PTPN14: variants seen among roughly 807,000 people sequenced by gnomAD.
The protein encoded by PTPN14 is tyrosine-protein phosphatase non-receptor type 14.
A neutral mutation model predicts 126.8 loss-of-function variants in PTPN14; 53 were observed. That is an observed-to-expected ratio of 0.42 (90% CI 0.34 to 0.53). PTPN14 has a LOEUF of 0.53. Ranked by LOEUF, PTPN14 falls within the 20% of genes least tolerant of loss-of-function variation. The pLI, the probability that PTPN14 is intolerant of heterozygous loss-of-function variation, is 0.08. For missense variants in PTPN14, 1,257 were observed against 1,552.9 expected (o/e 0.81, Z 3.20); for synonymous variants, 630 against 599.3 (o/e 1.05, Z -0.75).
rs927178310 is a variant in PTPN14, at chr1:214,357,838, TG to T, written c.*83del. ...TTGCTGCCAGCCACCTGCACCCCTG[TG>T]GGGGGAGCAGATGTTGTCTGGAGGT... On this transcript the variant is annotated 3_prime_UTR_variant, in exon 19 of 19. Transcript: ENST00000366956. 4.7e-6 allele frequency: 6 copies of T among 1,280,690 alleles called. No homozygotes were observed. The highest frequency in any genetic ancestry group is 1.5e-5 in the African/African-American group (1 of 68,632). The allele number at this position is 1,280,690 out of a possible 1,614,324, so 79.3% of individuals were successfully genotyped here. A position where few individuals can be genotyped will look rare whatever the true frequency, so the allele number is the denominator to read the frequency against.
chr1:214,483,083 T>C, intron 1 of PTPN14: 1 of 1,611,374 alleles, frequency 6.2e-7, no homozygotes, highest in Non-Finnish European at 8.5e-7. Context: ...ACAGACATTT[T>C]CAAAACATTT....
chr1:214,537,849 T>C (rs1655744167), intron 1 of PTPN14, among the ~76,000 whole-genome samples: 2 of 152,250 alleles, frequency 1.3e-5, no homozygotes, highest in Admixed American at 1.3e-4. Context: ...TATGTAATTG[T>C]TGATTCCCTT....
At chr1:214,501,537 C>T (rs1251790832) in intron 1 of PTPN14, among the ~76,000 whole-genome samples, 1 of 152,096 alleles carries the variant, frequency 6.6e-6, no homozygotes, top group Non-Finnish European at 1.5e-5. Flanking sequence ...TGACCACGCC[C>T]AGCCCAAAAC....
chr1:214,363,513 A>C (rs1658002598), intron 18 of PTPN14, among the ~76,000 whole-genome samples: 1 of 152,202 alleles, frequency 6.6e-6, no homozygotes, highest in South Asian at 2.1e-4. Flanking sequence ...TTAATTTTTC[A>C]AGCCATATAA....
chr1:214,447,656 G>A (rs757893930), intron 3 of PTPN14, among the ~76,000 whole-genome samples: 3 of 151,330 alleles, frequency 2.0e-5, no homozygotes, highest in Non-Finnish European at 4.4e-5. Context: ...CCAGTTTTAG[G>A]GCCCCTTGGA....
intron 2 of PTPN14, among the ~76,000 whole-genome samples, chr1:214,452,761 A>G (rs1660299548): frequency 1.3e-5 from 2 of 152,226 alleles, no homozygotes; most frequent in South Asian, 4.1e-4. Flanking sequence ...CCCATCTTTT[A>G]TATTAATTCA....
chr1:214,427,047 G>A (rs1230123706), intron 3 of PTPN14, among the ~76,000 whole-genome samples: 4 of 152,206 alleles, frequency 2.6e-5, no homozygotes, highest in East Asian at 1.9e-4. Context: ...TTGTGGGGCC[G>A]AGGCGGGCGG....
rs146823085 is a variant in PTPN14, at chr1:214,401,889, T to A, written c.582-117A>T. On this transcript the variant is annotated intron_variant, in intron 6 of 18. Transcript: ENST00000366956. ...TAGCTCTAGTTTCTGGGAAGAGCAATCATTACCCAACTGTGAGGGTAGGGT... is the reference window on the plus strand; with the variant it reads ...TAGCTCTAGTTTCTGGGAAGAGCAAACATTACCCAACTGTGAGGGTAGGGT... The A allele has an allele frequency of 9.6e-5, 76 of 791,050 alleles. No individual in the cohort carries two copies. The African/African-American group carries it at 1.2e-3, about 12-fold the overall frequency. 49.0% of individuals were successfully genotyped at this position (791,050 alleles called of 1,614,324 possible). A position where few individuals can be genotyped will look rare whatever the true frequency, so the allele number is the denominator to read the frequency against.
intron 16 of PTPN14, among the ~76,000 whole-genome samples, chr1:214,370,676 A>G (rs144404171): frequency 2.5e-4 from 38 of 152,276 alleles, no homozygotes; most frequent in African/African-American, 8.9e-4. Flanking sequence ...AACTTTTCTG[A>G]GAATATGTAT....
chr1:214,428,105 C>T (rs1048024900), intron 3 of PTPN14, among the ~76,000 whole-genome samples: 19 of 152,126 alleles, frequency 1.2e-4, no homozygotes, highest in African/African-American at 4.6e-4. Context: ...GTACTGGCTG[C>T]TTTGTAGACA....
At chr1:214,366,772 C>T (rs762635832) in intron 17 of PTPN14, among the ~76,000 whole-genome samples, 3 of 151,922 alleles carry the variant, frequency 2.0e-5, no homozygotes, top group Non-Finnish European at 4.4e-5. Context: ...TTTGGGAGGC[C>T]GAGGCAGGCG....
intron 1 of PTPN14, among the ~76,000 whole-genome samples, chr1:214,504,497 C>T (rs2102435268): frequency 6.6e-6 from 1 of 152,274 alleles, no homozygotes; most frequent in South Asian, 2.1e-4. Context: ...GCTGTCATGT[C>T]CAACTTGACG....
chr1:214,402,868 C>A lies in PTPN14; in HGVS notation c.581+15G>T, dbSNP rs376970831. Reference sequence around the variant, plus strand: ...TCTGTTGTGCAGGCAGCCCCTTACCCTCTGCCTGCCTTACCTGTGGGCTTT... The same window carrying A: ...TCTGTTGTGCAGGCAGCCCCTTACCATCTGCCTGCCTTACCTGTGGGCTTT... On this transcript the variant is annotated intron_variant, in intron 6 of 18. Coordinates refer to ENST00000366956, the MANE Select transcript of PTPN14 (RefSeq NM_005401.5). 1 of 1,613,258 alleles carries A rather than the reference C, an allele frequency of 6.2e-7. No individual in the cohort carries two copies. Among genetic ancestry groups the A allele is most frequent in the Non-Finnish European group, 8.5e-7 (1 of 1,179,444 alleles).
chr1:214,361,456 C>G (rs996340799), intron 18 of PTPN14, among the ~76,000 whole-genome samples: 6 of 152,156 alleles, frequency 3.9e-5, no homozygotes, highest in Non-Finnish European at 8.8e-5. Context: ...TTCTCCTGGT[C>G]TTCAATGAAA....
At chr1:214,413,742 C>T (rs976449515) in intron 4 of PTPN14, among the ~76,000 whole-genome samples, 2 of 152,212 alleles carry the variant, frequency 1.3e-5, no homozygotes, top group South Asian at 4.1e-4. Flanking sequence ...GACCTCAGCT[C>T]ACTGTAACCT....
intron 1 of PTPN14, chr1:214,483,011 C>A (rs1661030411): frequency 7.0e-7 from 1 of 1,437,516 alleles, no homozygotes; most frequent in African/African-American, 2.9e-5. Flanking sequence ...ATACCATTCC[C>A]CCCATACTAT....
Position 214,551,478 on chromosome 1 carries a change from A to C in PTPN14, c.-450T>G, listed in dbSNP as rs887103658. On this transcript the variant is annotated 5_prime_UTR_variant, in exon 1 of 19. Coordinates refer to ENST00000366956, the MANE Select transcript of PTPN14 (RefSeq NM_005401.5). Reference sequence around the variant, plus strand: ...GGGAAGGAGCGCCAGTGGCCACTTGATGTCTGTCTAGGGCTCCCCGAGGAC... The same window carrying C: ...GGGAAGGAGCGCCAGTGGCCACTTGCTGTCTGTCTAGGGCTCCCCGAGGAC... 1 of 152,378 alleles carries C rather than the reference A, an allele frequency of 6.6e-6. No individual in the cohort carries two copies. The highest frequency in any genetic ancestry group is 2.4e-5 in the African/African-American group (1 of 41,410). The allele number at this position is 152,378 out of a possible 1,614,324, so 9.4% of individuals were successfully genotyped here.
chr1:214,490,862 G>A (rs1299806995), intron 1 of PTPN14, among the ~76,000 whole-genome samples: 15 of 16,854 alleles, frequency 8.9e-4, no homozygotes, highest in African/African-American at 3.3e-3. Flanking sequence ...AGGGAAGGGA[G>A]GGGAGGGGAG....
chr1:214,538,230 T>C (rs1454738800), intron 1 of PTPN14, among the ~76,000 whole-genome samples: 7 of 152,142 alleles, frequency 4.6e-5, no homozygotes, highest in Non-Finnish European at 1.0e-4. Flanking sequence ...AAGGAACACA[T>C]GTACTTGACC....
Sources: gnomAD v4.1 joint callset for allele counts (sites outside exome capture counted in the v4.1 genomes callset) on GRCh38, gnomAD v4.1.1 for gene constraint, MANE v1.5 for transcripts, NCBI Gene and HGNC (gene_info 2026-07-23, HGNC 2026-07-21) for gene names.